The following PLCB4 variants were observed in gnomAD, a reference collection of about 807,000 sequenced individuals.
The protein encoded by PLCB4 is phospholipase C beta 4.
In PLCB4, 77 loss-of-function variants were observed where a neutral mutation model predicts 178.8. That is an observed-to-expected ratio of 0.43 (90% CI 0.36 to 0.52). The LOEUF (loss-of-function observed/expected upper bound fraction) is 0.52, where lower values mean the gene tolerates loss of function less well. Among genes scored for constraint, PLCB4 ranks in the 20% least tolerant of loss-of-function variants. PLCB4 has a pLI of 0.00. For missense variants in PLCB4, 1,024 were observed against 1,453.4 expected (o/e 0.70, Z 4.80); for synonymous variants, 496 against 490.8 (o/e 1.01, Z -0.14).
intron 2 of PLCB4, among the ~76,000 whole-genome samples, chr20:9,153,254 A>G (rs2092721700): frequency 6.6e-6 from 1 of 152,114 alleles, no homozygotes; most frequent in Non-Finnish European, 1.5e-5. Context: ...AAATGTAAGG[A>G]CATGTGATTT....
Position 9,369,815 on chromosome 20 carries a change from G to A in PLCB4, c.504-1399G>A, listed in dbSNP as rs1280629094. Among the ~76,000 whole-genome samples, 4 of 152,160 alleles carry A rather than the reference G, an allele frequency of 2.6e-5. No homozygotes were observed. In the South Asian group the frequency reaches 6.2e-4, roughly 24 times the overall value. On this transcript the variant is annotated intron_variant, in intron 9 of 39. Coordinates refer to ENST00000378473, the MANE Select transcript of PLCB4 (RefSeq NM_001377142.1). ...TCAGAACTTGCCTTCTACTTAGCAC[G>A]GATGGCGGAAAGTACAAAAACGCTG...
At chr20:9,292,228 C>T (rs1423293465) in intron 3 of PLCB4, among the ~76,000 whole-genome samples, 1 of 152,120 alleles carries the variant, frequency 6.6e-6, no homozygotes, top group Non-Finnish European at 1.5e-5. Context: ...AAAATCTTTC[C>T]TTTGAAATAG....
At position 9,437,166 on chromosome 20, in the gene PLCB4, G is replaced by A. The variant is rs200632829; in HGVS notation, c.2764+14G>A. The stretch of plus-strand genomic sequence containing the variant: ...AAGCCAAGAAAGGTGAGAGAGAGCC[G>A]TTGGGTTCCTTATCTTCTGCACCCA... On this transcript the variant is annotated intron_variant, in intron 30 of 39. Coordinates refer to ENST00000378473, the MANE Select transcript of PLCB4 (RefSeq NM_001377142.1). The A allele has an allele frequency of 3.3e-5, 53 of 1,610,778 alleles. No homozygotes were observed. In the African/African-American group the frequency reaches 4.0e-4, roughly 12 times the overall value.
intron 2 of PLCB4, among the ~76,000 whole-genome samples, chr20:9,154,419 G>A (rs767407417): frequency 6.6e-6 from 1 of 152,136 alleles, no homozygotes; most frequent in Admixed American, 6.5e-5. Context: ...TTTGGGATTG[G>A]AATACTAATG....
chr20:9,459,212 C>T (rs899024013), intron 34 of PLCB4, among the ~76,000 whole-genome samples: 2 of 152,078 alleles, frequency 1.3e-5, no homozygotes, highest in African/African-American at 4.8e-5. Context: ...GGCATGGTGG[C>T]ACGCATCTGT....
In PLCB4 at chr20:9,307,801, T is replaced by C; in HGVS notation, c.-14T>C. Reference sequence around the variant, plus strand: ...CGAGCTATTCTTTTTCATTTTTAGGTCTTGAATATAATCATGGCCAAACCT... The same window carrying C: ...CGAGCTATTCTTTTTCATTTTTAGGCCTTGAATATAATCATGGCCAAACCT... On this transcript the variant is annotated splice_region_variant and 5_prime_UTR_variant, in exon 4 of 40. Transcript: ENST00000378473. 6.6e-7 allele frequency: 1 copy of C among 1,505,910 alleles called. No individual in the cohort carries two copies. Among genetic ancestry groups the C allele is most frequent in the African/African-American group, 1.4e-5 (1 of 72,628 alleles). The allele number at this position is 1,505,910 out of a possible 1,614,324, so 93.3% of individuals were successfully genotyped here.
intron 2 of PLCB4, among the ~76,000 whole-genome samples, chr20:9,181,227 G>T (rs981700456): frequency 6.6e-6 from 1 of 152,124 alleles, no homozygotes; most frequent in African/African-American, 2.4e-5. Context: ...CCCAAATGGT[G>T]CTGATCTAAT....
At chr20:9,446,216 A>C (rs886126158) in intron 32 of PLCB4, among the ~76,000 whole-genome samples, 48 of 152,228 alleles carry the variant, frequency 3.2e-4, no homozygotes, top group African/African-American at 1.1e-3. Flanking sequence ...CTGATGTCCC[A>C]GAGTTAGGAA....
intron 17 of PLCB4, among the ~76,000 whole-genome samples, chr20:9,391,308 C>T (rs73068451): frequency 0.064 from 9,762 of 152,154 alleles, 356 homozygotes; most frequent in African/African-American, 0.08. Flanking sequence ...GAGAGTTAAT[C>T]ACATTTTTAT....
intron 7 of PLCB4, among the ~76,000 whole-genome samples, chr20:9,345,309 C>T (rs1006379415): frequency 6.6e-6 from 1 of 152,046 alleles, no homozygotes. Context: ...TTACAAGGCA[C>T]TATAGAAATA....
At chr20:9,471,114 T>C (rs1440303098) in intron 36 of PLCB4, among the ~76,000 whole-genome samples, 1 of 152,144 alleles carries the variant, frequency 6.6e-6, no homozygotes, top group Non-Finnish European at 1.5e-5. Flanking sequence ...TGAATGACAA[T>C]GTAAACACTA....
chr20:9,209,717 C>T (rs1345677106), intron 2 of PLCB4, among the ~76,000 whole-genome samples: 1 of 152,056 alleles, frequency 6.6e-6, no homozygotes, highest in African/African-American at 2.4e-5. Context: ...GAAGCCTAGC[C>T]AACACCTTGA....
intron 3 of PLCB4, among the ~76,000 whole-genome samples, chr20:9,229,288 C>T (rs1364107835): frequency 6.6e-6 from 1 of 152,102 alleles, no homozygotes. Context: ...TAAACGGGTA[C>T]AGAATGAAGC....
chr20:9,361,250 G>A (rs1403044952), intron 7 of PLCB4, among the ~76,000 whole-genome samples: 19 of 152,164 alleles, frequency 1.2e-4, no homozygotes, highest in Admixed American at 1.2e-3. Flanking sequence ...ATTCACAATG[G>A]ACAGGGAGTC....
chr20:9,220,230 C>T (rs751493865), intron 3 of PLCB4, among the ~76,000 whole-genome samples: 2 of 152,210 alleles, frequency 1.3e-5, no homozygotes, highest in South Asian at 2.1e-4. Context: ...AGAAAGTAAA[C>T]AACCCTTGAT....
At position 9,384,352 on chromosome 20, in the gene PLCB4, A is replaced by G. The variant is rs573833032; in HGVS notation, c.1005A>G (p.Arg335=). 2 of 1,614,208 alleles carry G rather than the reference A, an allele frequency of 1.2e-6. No individual in the cohort carries two copies. Among genetic ancestry groups the G allele is most frequent in the South Asian group, 1.1e-5 (1 of 91,088 alleles). ...SSSHNTYLTG[R]QFGGKSSVEM... ...CCCATAACACTTATCTCACTGGCAG[A>G]CAGTTCGGCGGGAAGTCTTCGGTAG... Residue 335 remains arginine (R), a synonymous_variant, in exon 14 of 40, where the codon AGA becomes AGG. Transcript: ENST00000378473.
chr20:9,178,783 A>C (rs2093197247), intron 2 of PLCB4, among the ~76,000 whole-genome samples: 1 of 152,096 alleles, frequency 6.6e-6, no homozygotes, highest in Admixed American at 6.6e-5. Context: ...GATATATGAT[A>C]GATCAATAAA....
At chr20:9,121,181 C>G (rs1354968470) in intron 2 of PLCB4, among the ~76,000 whole-genome samples, 2 of 152,206 alleles carry the variant, frequency 1.3e-5, no homozygotes, top group African/African-American at 2.4e-5. Flanking sequence ...TTGTGGCCAC[C>G]ACAGTACCCA....
At chr20:9,127,638 T>TTATCTATCTATC (rs35789567) in intron 2 of PLCB4, among the ~76,000 whole-genome samples, 1 of 146,780 alleles carries the variant, frequency 6.8e-6, no homozygotes, top group Non-Finnish European at 1.5e-5. Flanking sequence ...GGTGGTAAAA[T>TTATCTATCTATC]TATCTATCTA....
Sources: allele counts gnomAD v4.1 joint callset (sites outside exome capture counted in the v4.1 genomes callset), GRCh38; gene constraint gnomAD v4.1.1; transcripts MANE v1.5; gene names NCBI Gene and HGNC (gene_info 2026-07-23, HGNC 2026-07-21).